Variants in CTBS observed in about 807,000 individuals in gnomAD.
CTBS encodes chitobiase.
CTBS carries 35 observed loss-of-function variants against 44.3 expected under a neutral mutation model. That is an observed-to-expected ratio of 0.79 (90% CI 0.60 to 1.05). The LOEUF (loss-of-function observed/expected upper bound fraction) is 1.05, where lower values mean the gene tolerates loss of function less well. Among genes scored for constraint, CTBS ranks in the 50% least tolerant of loss-of-function variants. CTBS has a pLI of 0.00. For synonymous variants in CTBS, 143 were observed against 168.0 expected, an observed-to-expected ratio of 0.85 and a Z score of 1.15; for missense variants, 458 against 475.3, an observed-to-expected ratio of 0.96 and a Z score of 0.34.
intron 3 of CTBS, among the ~76,000 whole-genome samples, chr1:84,566,673 C>T (rs979910067): frequency 1.3e-5 from 2 of 152,180 alleles, no homozygotes; most frequent in African/African-American, 2.4e-5. Context: ...TGCTCTGTCA[C>T]CCAGGGTGGA....
chr1:84,566,907 G>T (rs573909470), intron 3 of CTBS, among the ~76,000 whole-genome samples: 4 of 152,178 alleles, frequency 2.6e-5, no homozygotes, highest in Non-Finnish European at 4.4e-5. Context: ...AGTGCTTACA[G>T]GCGTGAGCCA....
chr1:84,571,890 A>G (rs12131448), intron 1 of CTBS, among the ~76,000 whole-genome samples: 28,251 of 152,150 alleles, frequency 0.19, 2,947 homozygotes, highest in South Asian at 0.31. Flanking sequence ...TGCATTCTCA[A>G]CTGAGGGAAG....
In CTBS at chr1:84,570,673, C is replaced by T; in HGVS notation, c.225G>A (p.Trp75Ter). 2 of 1,613,980 alleles carry T rather than the reference C, an allele frequency of 1.2e-6. No individual in the cohort carries two copies. Among genetic ancestry groups the T allele is most frequent in the Non-Finnish European group, 1.7e-6 (2 of 1,179,900 alleles). ...ATGTTGCCACAGTTGTAATCTGTGA[C>T]CAATCATAAGATTTCCAAGTTTTCT... ...VGQKTWKSYD[W>*]SQITTVATFG... is the part of the protein sequence containing the mutation. Residue 75 changes from tryptophan (W) to a stop codon, truncating the protein, a stop_gained, in exon 2 of 7, where the codon TGG (tryptophan) becomes TGA (stop). Transcript: ENST00000370630. LOFTEE classifies it high-confidence loss of function.
intron 6 of CTBS, among the ~76,000 whole-genome samples, chr1:84,556,500 C>G (rs1360199779): frequency 2.0e-5 from 3 of 151,818 alleles, no homozygotes; most frequent in South Asian, 4.2e-4. Flanking sequence ...ATCATGAGGT[C>G]GAGAGATCGA....
intron 1 of CTBS, chr1:84,573,845 G>A (rs1647385442): frequency 1.9e-6 from 2 of 1,046,862 alleles, no homozygotes; most frequent in African/African-American, 3.4e-5. Context: ...GCATTCTAAT[G>A]TACTGTTGGA....
rs1343747430 is a variant in CTBS, at chr1:84,554,084, C to G, written c.*915G>C. On this transcript the variant is annotated 3_prime_UTR_variant, in exon 7 of 7. Transcript: ENST00000370630. The stretch of plus-strand genomic sequence containing the variant: ...TTGAGCCCAGGAGTTGGAGACCCAT[C>G]TGGACAACATAGCGAGACCCTGTCT... 1 of 151,998 alleles carries G rather than the reference C, an allele frequency of 6.6e-6. No homozygotes were observed. The highest frequency in any genetic ancestry group is 1.5e-5 in the Non-Finnish European group (1 of 68,034). 9.4% of individuals were successfully genotyped at this position (151,998 alleles called of 1,614,324 possible).
In CTBS at chr1:84,550,573, T is replaced by C; in HGVS notation, c.*4426A>G. 1.4e-6 allele frequency: 2 copies of C among 1,454,460 alleles called. No homozygotes were observed. The highest frequency in any genetic ancestry group is 1.5e-5 in the South Asian group (1 of 67,182). 90.1% of individuals were successfully genotyped at this position (1,454,460 alleles called of 1,614,324 possible). A position where few individuals can be genotyped will look rare whatever the true frequency, so the allele number is the denominator to read the frequency against. Reference sequence around the variant, plus strand: ...TAATCAGATTATTATAACATTTATCTTGAAATAAAATATTTTGGTGTTTTA... The same window carrying C: ...TAATCAGATTATTATAACATTTATCCTGAAATAAAATATTTTGGTGTTTTA... On this transcript the variant is annotated 3_prime_UTR_variant, in exon 7 of 7. Coordinates refer to ENST00000370630, the MANE Select transcript of CTBS (RefSeq NM_004388.3).
intron 6 of CTBS, among the ~76,000 whole-genome samples, chr1:84,561,831 T>C (rs2102023116): frequency 6.6e-6 from 1 of 152,352 alleles, no homozygotes; most frequent in Admixed American, 6.5e-5. Context: ...AATTAAGGTA[T>C]GTACTTTTTT....
intron 3 of CTBS, among the ~76,000 whole-genome samples, chr1:84,567,453 T>C (rs976381603): frequency 7.9e-5 from 12 of 152,340 alleles, no homozygotes; most frequent in Non-Finnish European, 1.8e-4. Context: ...GGTACTATTA[T>C]TATATTAGAC....
Position 84,570,738 on chromosome 1 carries a change from A to C in CTBS, c.178-18T>G, listed in dbSNP as rs1271293154. The C allele has an allele frequency of 6.2e-7, 1 of 1,608,878 alleles. No individual in the cohort carries two copies. The highest frequency in any genetic ancestry group is 1.7e-4 in the Middle Eastern group (1 of 6,026). On this transcript the variant is annotated intron_variant, in intron 1 of 6. Transcript: ENST00000370630. Reference sequence around the variant, plus strand: ...ACAAAGACCTGCCAGAACAAAGATGAGCACCATCATTTAAACCAAGAATAT... The same window carrying C: ...ACAAAGACCTGCCAGAACAAAGATGCGCACCATCATTTAAACCAAGAATAT...
intron 6 of CTBS, among the ~76,000 whole-genome samples, chr1:84,560,442 C>G (rs776494375): frequency 6.1e-4 from 93 of 152,210 alleles, no homozygotes; most frequent in Non-Finnish European, 1.1e-3. Flanking sequence ...GATCACAGTT[C>G]TACATAGCTG....
intron 6 of CTBS, among the ~76,000 whole-genome samples, chr1:84,559,196 G>C (rs1456750773): frequency 2.6e-5 from 4 of 152,062 alleles, no homozygotes; most frequent in Non-Finnish European, 5.9e-5. Context: ...GTCACATTTT[G>C]GCAATTCTTA....
chr1:84,549,752 A>G lies in CTBS; in HGVS notation c.*5247T>C, dbSNP rs1684214215. On this transcript the variant is annotated 3_prime_UTR_variant, in exon 7 of 7. Coordinates refer to ENST00000370630, the MANE Select transcript of CTBS (RefSeq NM_004388.3). ...AAAGTAATTTTAAAATATGTTAACT[A>G]TGATTAAAAGTAAGGATTTAACTTT... 6.6e-6 allele frequency: 1 copy of G among 152,142 alleles called. No homozygotes were observed. Among genetic ancestry groups the G allele is most frequent in the Admixed American group, 6.6e-5 (1 of 15,260 alleles). The allele number at this position is 152,142 out of a possible 1,614,324, so 9.4% of individuals were successfully genotyped here.
In CTBS at chr1:84,566,550, G is replaced by A. The variant is rs572934661; in HGVS notation, c.526-538C>T. Among the ~76,000 whole-genome samples, 24 of 152,252 alleles carry A rather than the reference G, an allele frequency of 1.6e-4. No individual in the cohort carries two copies. In the South Asian group the frequency reaches 4.3e-3, roughly 28 times the overall value. On this transcript the variant is annotated intron_variant, in intron 3 of 6. Coordinates refer to ENST00000370630, the MANE Select transcript of CTBS (RefSeq NM_004388.3). Reference sequence around the variant, plus strand: ...AATAGTGGTGTCTTACGGCCTACAGGTATAGATTAATCAAGTCAAAATGTT... The same window carrying A: ...AATAGTGGTGTCTTACGGCCTACAGATATAGATTAATCAAGTCAAAATGTT...
Position 84,551,225 on chromosome 1 carries a change from G to A in CTBS, c.*3774C>T, listed in dbSNP as rs537994360. ...CACAGCAAGGCAGGAAAATGAGAAC[G>A]ATAATTATATGAATGCTCTCATTTC... On this transcript the variant is annotated 3_prime_UTR_variant, in exon 7 of 7. Coordinates refer to ENST00000370630, the MANE Select transcript of CTBS (RefSeq NM_004388.3). 264 of 985,026 alleles carry A rather than the reference G, an allele frequency of 2.7e-4. No homozygotes were observed. In the Middle Eastern group the frequency reaches 3.7e-3, roughly 14 times the overall value. 61.0% of individuals were successfully genotyped at this position (985,026 alleles called of 1,614,324 possible).
At chr1:84,571,660 T>C (rs1257352629) in intron 1 of CTBS, among the ~76,000 whole-genome samples, 1 of 152,184 alleles carries the variant, frequency 6.6e-6, no homozygotes, top group Non-Finnish European at 1.5e-5. Flanking sequence ...TGCTAGGCTC[T>C]AAGGAGATAA....
intron 3 of CTBS, 65 bp downstream of exon 3, chr1:84,569,866 A>C: frequency 1.2e-5 from 16 of 1,288,136 alleles, no homozygotes; most frequent in Non-Finnish European, 1.7e-5. Context: ...TATATTAGTT[A>C]TACCCTCATG....
intron 3 of CTBS, among the ~76,000 whole-genome samples, chr1:84,566,369 G>C (rs1207816649): frequency 6.6e-6 from 1 of 152,150 alleles, no homozygotes; most frequent in Non-Finnish European, 1.5e-5. Context: ...CAACTAGAGA[G>C]TAAAGGCACA....
chr1:84,562,355 A>G (rs1162108015), intron 6 of CTBS, among the ~76,000 whole-genome samples: 1 of 151,964 alleles, frequency 6.6e-6, no homozygotes, highest in Non-Finnish European at 1.5e-5. Flanking sequence ...ATAGGTATAT[A>G]CTTTCAGTTC....
Sources: gnomAD v4.1 joint callset for allele counts (sites outside exome capture counted in the v4.1 genomes callset) on GRCh38, gnomAD v4.1.1 for gene constraint, MANE v1.5 for transcripts, NCBI Gene and HGNC (gene_info 2026-07-23, HGNC 2026-07-21) for gene names.